Variants in NUP214 observed in about 807,000 individuals in gnomAD.
NUP214 encodes nucleoporin 214, also known as nuclear pore complex protein Nup214.
In NUP214, 79 loss-of-function variants were observed where a neutral mutation model predicts 196.2. That is an observed-to-expected ratio of 0.40 (90% confidence interval 0.34 to 0.49). The LOEUF is 0.49. Among genes scored for constraint, NUP214 ranks in the 20% least tolerant of loss-of-function variants. NUP214 has a pLI of 0.58. For missense variants in NUP214, 2,468 were observed against 2,539.0 expected (o/e 0.97, Z 0.60); for synonymous variants, 1,020 against 990.5 (o/e 1.03, Z -0.56).
At position 131,198,949 on chromosome 9, in the gene NUP214, T is replaced by C; in HGVS notation, c.5455T>C (p.Phe1819Leu). 2 of 1,614,008 alleles carry C rather than the reference T, an allele frequency of 1.2e-6. No homozygotes were observed. Among genetic ancestry groups the C allele is most frequent in the Non-Finnish European group, 1.7e-6 (2 of 1,179,860 alleles). ...TGGCTTTGGACAGGGAGGCTCTGTC[T>C]TTGGTGGTACCTCAGCTGCCACCAC... ...SPGFGQGGSV[F>L]GGTSAATTTA... is the part of the protein sequence containing the mutation. Residue 1819 changes from phenylalanine to leucine, a missense_variant, in exon 29 of 36, where the codon TTT becomes CTT. Coordinates refer to ENST00000359428, the MANE Select transcript of NUP214 (RefSeq NM_005085.4).
intron 6 of NUP214, 120 bp from the exon 7 acceptor site, chr9:131,132,986 A>G (rs1025948660): frequency 6.4e-6 from 5 of 783,026 alleles, no homozygotes; most frequent in African/African-American, 5.3e-5. Flanking sequence ...TATTTAGTCA[A>G]TGAAATCAGG....
rs1831327460 is a variant in NUP214, at chr9:131,125,749, G to A, written c.45G>A (p.Lys15=). 2 of 1,551,770 alleles carry A rather than the reference G, an allele frequency of 1.3e-6. No homozygotes were observed. The highest frequency in any genetic ancestry group is 2.4e-5 in the East Asian group (1 of 40,884). The change falls in exon 1 of 36, where the codon AAG becomes AAA. Residue 15 remains lysine, a splice_region_variant and synonymous_variant. Transcript: ENST00000359428. The surrounding 1 kb of genome is among the most constrained non-coding windows in gnomAD (Gnocchi z 4.1). ...CCATGATTCCCGAGCGGGAGATGAA[G>A]GTCAGAGACTAACCGGGGCCTCCCT... ...MDAMIPEREM[K]DFQFRALKKV...
rs763942833 is a variant in NUP214, at chr9:131,233,638, A to C, written c.*151A>C. ...ACAGAAACCAAAACTCACAAGGCGCATGATTACTTGTTTTATATTTCATGT... is the reference window on the plus strand; with the variant it reads ...ACAGAAACCAAAACTCACAAGGCGCCTGATTACTTGTTTTATATTTCATGT... On this transcript the variant is annotated 3_prime_UTR_variant, in exon 36 of 36. Coordinates refer to ENST00000359428, the MANE Select transcript of NUP214 (RefSeq NM_005085.4). 27 of 793,700 alleles carry C rather than the reference A, an allele frequency of 3.4e-5. No individual in the cohort carries two copies. Among genetic ancestry groups the C allele is most frequent in the Non-Finnish European group, 4.5e-5 (21 of 470,082 alleles). 49.2% of individuals were successfully genotyped at this position (793,700 alleles called of 1,614,324 possible). A position where few individuals can be genotyped will look rare whatever the true frequency, so the allele number is the denominator to read the frequency against.
chr9:131,201,574 A>AC, intron 29 of NUP214, 73 bp from the exon 30 acceptor site: 1 of 1,313,312 alleles, frequency 7.6e-7, no homozygotes, highest in African/African-American at 1.5e-5. Flanking sequence ...AAAAAAAAAA[A>AC]ACAACAAAAC....
chr9:131,163,066 G>A lies in NUP214; in HGVS notation c.2616G>A (p.Arg872=). 6.8e-6 allele frequency: 11 copies of A among 1,614,188 alleles called. No individual in the cohort carries two copies. Among genetic ancestry groups the A allele is most frequent in the Non-Finnish European group, 8.5e-6 (10 of 1,180,022 alleles). ...ATCGGGAAATCATCAACCAACAGAG[G>A]AAGAGGCTGAATCACCTGGTGGATA... ...ANNREIINQQ[R]KRLNHLVDSL... is the part of the protein sequence containing the mutation. The change falls in exon 19 of 36, where the codon AGG becomes AGA. Residue 872 remains arginine (R), a synonymous_variant. Coordinates refer to ENST00000359428, the MANE Select transcript of NUP214 (RefSeq NM_005085.4).
intron 12 of NUP214, 61 bp downstream of exon 12, chr9:131,144,815 A>G (rs1832039223): frequency 7.8e-7 from 1 of 1,289,296 alleles, no homozygotes; most frequent in Admixed American, 2.4e-5. Flanking sequence ...GATGTTATTT[A>G]CTAAAAGTAG....
intron 17 of NUP214, among the ~76,000 whole-genome samples, chr9:131,157,248 G>A (rs1018290971): frequency 1.3e-5 from 2 of 151,662 alleles, no homozygotes; most frequent in South Asian, 4.2e-4. Flanking sequence ...CTGCAGCCTC[G>A]AACTCGGGCT....
chr9:131,133,257 C>A (rs763652069), intron 7 of NUP214, 48 bp downstream of exon 7: 17 of 1,048,638 alleles, frequency 1.6e-5, no homozygotes, highest in Non-Finnish European at 1.9e-5. Context: ...GAGAAGTCTT[C>A]TAATAAAGCT....
rs199886071 is a variant in NUP214, at chr9:131,127,683, A to T, written c.205A>T (p.Ile69Phe). Residue 69 changes from isoleucine (I) to phenylalanine (F), a missense_variant, in exon 2 of 36, where the codon ATT becomes TTT. This residue lies in a region of NUP214 where 392 missense variants were observed against 417.9 expected (regional missense o/e 0.94). Transcript: ENST00000359428. ...GATTTTTCCTACTAAAAATCTTCTT[A>T]TTCAAAATAAACCCGGAGATGATCC... is the stretch of plus-strand genomic sequence containing the variant. ...LQIFPTKNLL[I>F]QNKPGDDPNK... The T allele has an allele frequency of 1.9e-6, 3 of 1,614,018 alleles. No individual in the cohort carries two copies. The highest frequency in any genetic ancestry group is 2.5e-6 in the Non-Finnish European group (3 of 1,179,990).
intron 21 of NUP214, among the ~76,000 whole-genome samples, chr9:131,172,247 T>C (rs1359320932): frequency 2.0e-5 from 3 of 152,046 alleles, no homozygotes; most frequent in Admixed American, 1.3e-4. Context: ...ATTGCCATTC[T>C]AACTGGCGTG....
rs1426096021 is a variant in NUP214, at chr9:131,232,549, G to A, written c.6239+241G>A. On this transcript the variant is annotated intron_variant, in intron 35 of 35. Transcript: ENST00000359428. The surrounding 1 kb of genome is among the most constrained non-coding windows in gnomAD (Gnocchi z 5.1). ...AGAGGCGTGGTTCAAAGAGAAAAGA[G>A]CACGCCTGCCAGTGAGCTGGGCCTG... 5 of 586,660 alleles carry A rather than the reference G, an allele frequency of 8.5e-6. No homozygotes were observed. The Admixed American group carries it at 1.1e-4, about 13-fold the overall frequency. 36.3% of individuals were successfully genotyped at this position (586,660 alleles called of 1,614,324 possible).
At chr9:131,136,398 T>C in intron 9 of NUP214, 2 of 163,186 alleles carry the variant, frequency 1.2e-5, no homozygotes, top group Non-Finnish European at 2.7e-5. Flanking sequence ...CTTGGCCAAA[T>C]GGCTTGGCTA....
rs746671090 is a variant in NUP214, at chr9:131,198,382, G to T, written c.4888G>T (p.Ala1630Ser). The T allele has an allele frequency of 8.1e-6, 13 of 1,614,132 alleles. No homozygotes were observed. The East Asian group carries it at 1.6e-4, about 19-fold the overall frequency. ...GTCCATTGTTGCTCCCGGCCCATCT[G>T]CAGAGGCAGCAGCATTTGGTACCGT... Reference protein sequence around the residue: ...TTSIVAPGPSAEAAAFGTVTS... With the variant: ...TTSIVAPGPSSEAAAFGTVTS... The change falls in exon 29 of 36, where the codon GCA becomes TCA. Residue 1630 changes from alanine (A) to serine (S), a missense_variant. Transcript: ENST00000359428.
intron 2 of NUP214, 73 bp from the exon 3 acceptor site, chr9:131,128,259 C>G: frequency 6.9e-7 from 1 of 1,443,712 alleles, no homozygotes; most frequent in Non-Finnish European, 9.3e-7. Flanking sequence ...TTTTTCACAT[C>G]GAACTGGATA....
intron 25 of NUP214, among the ~76,000 whole-genome samples, 195 bp from the exon 26 acceptor site, chr9:131,188,858 T>C (rs1833524538): frequency 6.6e-6 from 1 of 152,258 alleles, no homozygotes; most frequent in South Asian, 2.1e-4. Flanking sequence ...TTTTCATCCT[T>C]TAATATGATC....
chr9:131,218,557 T>C (rs1834467740), intron 31 of NUP214, among the ~76,000 whole-genome samples: 2 of 151,936 alleles, frequency 1.3e-5, no homozygotes, highest in African/African-American at 4.8e-5. Context: ...CTCTACCTTC[T>C]CTCCCTCCCC....
At chr9:131,175,666 T>G in intron 23 of NUP214, 45 bp downstream of exon 23, 1 of 1,590,150 alleles carries the variant, frequency 6.3e-7, no homozygotes. Context: ...GATTATGAGC[T>G]GTCTGAGTCA....
Position 131,146,182 on chromosome 9 carries a change from C to A in NUP214, c.1823C>A (p.Pro608Gln), listed in dbSNP as rs201639751. The change falls in exon 13 of 36, where the codon CCG (proline) becomes CAG (glutamine). Residue 608 changes from proline (P) to glutamine (Q), a missense_variant. Pro to Gln is a moderately conservative substitution (Grantham distance 76, BLOSUM62 -1). Transcript: ENST00000359428. The surrounding 1 kb of genome is among the most constrained non-coding windows in gnomAD (Gnocchi z 4.6). ...TPVSSSQSAP[P>Q]MSPFSSASKP... is the part of the protein sequence containing the mutation. ...GTTAGTAGCTCCCAGAGCGCACCCC[C>A]GATGTCGCCATTCTCTTCTGCCTCC... 9.3e-6 allele frequency: 15 copies of A among 1,614,180 alleles called. No individual in the cohort carries two copies. In the African/African-American group the frequency reaches 1.7e-4, roughly 19 times the overall value.
At chr9:131,167,470 G>T (rs1198966729) in intron 21 of NUP214, 1 of 152,236 alleles carries the variant, frequency 6.6e-6, no homozygotes, top group Non-Finnish European at 1.5e-5. Context: ...CGGAGCACAT[G>T]TGTACTTTTC....
Sources: allele counts gnomAD v4.1 joint callset (sites outside exome capture counted in the v4.1 genomes callset), GRCh38; gene constraint gnomAD v4.1.1; regional missense constraint gnomAD v4.1.1; non-coding constraint Gnocchi (gnomAD v3.1); transcripts MANE v1.5; gene names NCBI Gene and HGNC (gene_info 2026-07-23, HGNC 2026-07-21).